Variants in TOPAZ1 observed in about 807,000 individuals in gnomAD.
The protein encoded by TOPAZ1 is protein TOPAZ1.
A neutral mutation model predicts 172.2 loss-of-function variants in TOPAZ1; 66 were observed. The observed-to-expected ratio is 0.38, with a 90% CI of 0.31 to 0.47. The LOEUF (loss-of-function observed/expected upper bound fraction) is 0.47, where lower values mean the gene tolerates loss of function less well. TOPAZ1 is among the 20% of genes least tolerant of loss of function. The pLI is 0.99. For missense variants in TOPAZ1, 1,822 were observed against 1,972.4 expected (o/e 0.92, Z 1.44); for synonymous variants, 681 against 683.9 (o/e 1.00, Z 0.07).
At chr3:44,284,037 G>C (rs780028034) in intron 9 of TOPAZ1, among the ~76,000 whole-genome samples, 1 of 152,116 alleles carries the variant, frequency 6.6e-6, no homozygotes, top group Non-Finnish European at 1.5e-5. Flanking sequence ...TGTGCATTTA[G>C]TTGTCATGAT....
Position 44,289,059 on chromosome 3 carries a change from C to G in TOPAZ1, c.3681+1220C>G, listed in dbSNP as rs1048533848. Among the ~76,000 whole-genome samples the G allele has an allele frequency of 2.6e-5, 4 of 152,100 alleles. No homozygotes were observed. In the East Asian group the frequency reaches 5.8e-4, roughly 22 times the overall value. ...AAAGATAATTAACATTTTTGTCCTG[C>G]CTTAGATTGTTACCTAGTCTGTTAC... is the stretch of plus-strand genomic sequence containing the variant. On this transcript the variant is annotated intron_variant, in intron 11 of 19. Coordinates refer to ENST00000309765, the MANE Select transcript of TOPAZ1 (RefSeq NM_001145030.2).
intron 9 of TOPAZ1, among the ~76,000 whole-genome samples, chr3:44,286,735 A>G (rs1214013609): frequency 6.6e-6 from 1 of 152,204 alleles, no homozygotes. Context: ...TGAAGAAAAA[A>G]ATGATCAATG....
intron 9 of TOPAZ1, among the ~76,000 whole-genome samples, chr3:44,286,395 C>T (rs935748611): frequency 2.2e-4 from 33 of 151,982 alleles, no homozygotes; most frequent in Admixed American, 7.9e-4. Flanking sequence ...TCTGTATAGG[C>T]GACTATATAA....
intron 9 of TOPAZ1, 94 bp from the exon 10 acceptor site, chr3:44,287,295 T>C (rs1700090593): frequency 1.5e-6 from 1 of 647,576 alleles, no homozygotes; most frequent in South Asian, 5.9e-5. Flanking sequence ...GAATTCATAT[T>C]ATTTTATCTT....
chr3:44,255,714 CACACACAT>C (rs11278620), intron 3 of TOPAZ1, among the ~76,000 whole-genome samples: 34,389 of 73,316 alleles, frequency 0.47, 6,931 homozygotes, highest in South Asian at 0.57. Flanking sequence ...CACACACACA[CACACACAT>C]ATATATATGG....
chr3:44,295,350 G>A (rs1700183787), intron 12 of TOPAZ1, among the ~76,000 whole-genome samples: 2 of 152,066 alleles, frequency 1.3e-5, no homozygotes, highest in African/African-American at 4.8e-5. Flanking sequence ...TTCACACAAT[G>A]AAGTACTTTG....
At chr3:44,251,485 C>A (rs1189910451) in intron 2 of TOPAZ1, among the ~76,000 whole-genome samples, 1 of 152,326 alleles carries the variant, frequency 6.6e-6, no homozygotes, top group East Asian at 1.9e-4. Flanking sequence ...CTAAAGCAAT[C>A]ATCTTCCAGC....
intron 9 of TOPAZ1, among the ~76,000 whole-genome samples, chr3:44,284,185 T>G (rs891129822): frequency 8.5e-5 from 13 of 152,346 alleles, no homozygotes; most frequent in African/African-American, 2.9e-4. Context: ...TTAAGTACAT[T>G]CAATGTTGTG....
downstream of TOPAZ1, among the ~76,000 whole-genome samples, chr3:44,336,188 C>G (rs1279966118): frequency 6.6e-6 from 1 of 152,136 alleles, no homozygotes; most frequent in African/African-American, 2.4e-5. Context: ...TGCAGGGGCT[C>G]TTTTGGTGAA....
chr3:44,254,949 T>C lies in TOPAZ1; in HGVS notation c.2766-19T>C. On this transcript the variant is annotated intron_variant, in intron 2 of 19. Coordinates refer to ENST00000309765, the MANE Select transcript of TOPAZ1 (RefSeq NM_001145030.2). ...TTAGAATCTATTATAATGTTTAAGC[T>C]CTGTTTGCTTTATAATAGAGAACTT... 1 of 1,532,894 alleles carries C rather than the reference T, an allele frequency of 6.5e-7. No individual in the cohort carries two copies. The highest frequency in any genetic ancestry group is 2.0e-5 in the Admixed American group (1 of 50,868). The allele number at this position is 1,532,894 out of a possible 1,614,324, so 95.0% of individuals were successfully genotyped here.
At chr3:44,312,377 A>T (rs1700406595) in intron 16 of TOPAZ1, among the ~76,000 whole-genome samples, 1 of 152,194 alleles carries the variant, frequency 6.6e-6, no homozygotes, top group African/African-American at 2.4e-5. Flanking sequence ...ATAGTGGCTG[A>T]CTCTGCCTCT....
At chr3:44,264,127 C>A (rs1397116242) in intron 5 of TOPAZ1, among the ~76,000 whole-genome samples, 2 of 152,154 alleles carry the variant, frequency 1.3e-5, no homozygotes, top group Non-Finnish European at 2.9e-5. Context: ...TTTTGTTTAG[C>A]ATAGTCAAAA....
chr3:44,289,894 C>G (rs964141227), intron 11 of TOPAZ1, among the ~76,000 whole-genome samples: 69 of 152,252 alleles, frequency 4.5e-4, no homozygotes, highest in African/African-American at 1.6e-3. Context: ...GGGAATTTTT[C>G]TGAAAACCAG....
chr3:44,244,984 A>G lies in TOPAZ1; in HGVS notation c.2478A>G (p.Gln826=), dbSNP rs1159178388. Residue 826 remains glutamine (Q), a synonymous_variant, in exon 2 of 20, where the codon CAA becomes CAG. Transcript: ENST00000309765. The part of the protein sequence containing the change: ...EKSPSFCCNE[Q]ETFRPVSSEV... ...GTCCTTCCTTCTGCTGTAATGAACA[A>G]GAAACATTCCGACCAGTGTCCAGTG... The G allele has an allele frequency of 1.9e-6, 3 of 1,551,744 alleles. No individual in the cohort carries two copies. The highest frequency in any genetic ancestry group is 2.6e-6 in the Non-Finnish European group (3 of 1,147,004).
At chr3:44,303,098 G>C (rs1700294330) in intron 12 of TOPAZ1, among the ~76,000 whole-genome samples, 1 of 152,172 alleles carries the variant, frequency 6.6e-6, no homozygotes. Context: ...CTTCCAGAGT[G>C]CTGAAATTTC....
chr3:44,328,546 T>C (rs1700628467), intron 19 of TOPAZ1, 113 bp downstream of exon 19: 3 of 486,878 alleles, frequency 6.2e-6, no homozygotes, highest in South Asian at 9.1e-5. Context: ...TTTATGTATA[T>C]ATTTATATAT....
chr3:44,291,280 A>G (rs1351127138), intron 12 of TOPAZ1, among the ~76,000 whole-genome samples: 1 of 150,314 alleles, frequency 6.7e-6, no homozygotes, highest in Non-Finnish European at 1.5e-5. Flanking sequence ...TACTTTCTCT[A>G]TTCAGCTTGT....
chr3:44,285,181 G>A (rs1700064629), intron 9 of TOPAZ1, among the ~76,000 whole-genome samples: 1 of 152,128 alleles, frequency 6.6e-6, no homozygotes, highest in East Asian at 1.9e-4. Flanking sequence ...AAGCAATGTA[G>A]GCTGGGTACA....
At chr3:44,317,775 G>A (rs530774942) in intron 16 of TOPAZ1, among the ~76,000 whole-genome samples, 7 of 152,270 alleles carry the variant, frequency 4.6e-5, no homozygotes, top group Admixed American at 4.6e-4. Context: ...TATAAAACTA[G>A]TATTAAGCCC....
Sources: allele counts gnomAD v4.1 joint callset (sites outside exome capture counted in the v4.1 genomes callset), GRCh38; gene constraint gnomAD v4.1.1; transcripts MANE v1.5; gene names NCBI Gene and HGNC (gene_info 2026-07-23, HGNC 2026-07-21).